The following DDX42 variants were observed in gnomAD, a reference collection of about 807,000 sequenced individuals.
DDX42 encodes DEAD-box helicase 42, also known as ATP-dependent RNA helicase DDX42.
A neutral mutation model predicts 101.5 loss-of-function variants in DDX42; 22 were observed. The ratio of observed to expected loss-of-function variants is 0.22; its 90% CI spans 0.15 to 0.31. The LOEUF (loss-of-function observed/expected upper bound fraction) is 0.31, where lower values mean the gene tolerates loss of function less well. Ranked by LOEUF, DDX42 falls within the 10% of genes least tolerant of loss-of-function variation. DDX42 has a pLI of 1.00. For synonymous variants in DDX42, 402 were observed against 401.2 expected (o/e 1.00, Z -0.02); for missense variants, 849 against 1,199.9 (o/e 0.71, Z 4.32).
rs1250046908 is a variant in DDX42, at chr17:63,799,638, G to A, written c.471+13G>A. The A allele has an allele frequency of 1.2e-6, 2 of 1,611,430 alleles. No individual in the cohort carries two copies. Among genetic ancestry groups the A allele is most frequent in the African/African-American group, 2.7e-5 (2 of 74,994 alleles). On this transcript the variant is annotated intron_variant, in intron 5 of 17. Transcript: ENST00000389924. ...GGAAGATGACCAAGTGAGTTCCTAT[G>A]CAGTATTTCTATCTTTTATTTTTAT...
intron 13 of DDX42, 90 bp from the exon 14 acceptor site, chr17:63,811,842 C>T: frequency 4.7e-6 from 7 of 1,485,302 alleles, no homozygotes; most frequent in South Asian, 1.2e-5. Context: ...AAGGTCTTCT[C>T]GATGCAGGTA....
In DDX42 at chr17:63,808,838, C is replaced by T; in HGVS notation, c.1042C>T (p.Arg348Trp). 2.5e-6 allele frequency: 4 copies of T among 1,613,668 alleles called. No individual in the cohort carries two copies. Among genetic ancestry groups the T allele is most frequent in the Non-Finnish European group, 3.4e-6 (4 of 1,179,814 alleles). ...TTTGTAGATCCATGCAGAATGTAAG[C>T]GGTTTGGAAAAGCATATAATCTTCG... ...LCQQIHAECK[R>W]FGKAYNLRSV... is the part of the protein sequence containing the mutation. Residue 348 changes from arginine (R) to tryptophan (W), a missense_variant, in exon 10 of 18, where the codon CGG becomes TGG. Arg to Trp is a moderately radical substitution (Grantham distance 101). Transcript: ENST00000389924.
At chr17:63,775,935 A>G (rs185611303) in intron 1 of DDX42, 1 of 152,364 alleles carries the variant, frequency 6.6e-6, no homozygotes, top group Non-Finnish European at 1.5e-5. Flanking sequence ...TGACAGGAGA[A>G]GGGATGCTTC....
At chr17:63,805,319 C>A in intron 7 of DDX42, 144 bp downstream of exon 7, 1 of 949,418 alleles carries the variant, frequency 1.1e-6, no homozygotes, top group Non-Finnish European at 1.5e-6. Flanking sequence ...TATATCCCTT[C>A]TGTTCATGTC....
intron 3 of DDX42, 91 bp downstream of exon 3, chr17:63,792,653 C>T: frequency 2.9e-6 from 4 of 1,382,438 alleles, no homozygotes; most frequent in Non-Finnish European, 3.8e-6. Context: ...AATTTGTTTT[C>T]TAGTCTTATT....
chr17:63,785,555 C>G (rs2039537981), intron 1 of DDX42, among the ~76,000 whole-genome samples: 1 of 148,520 alleles, frequency 6.7e-6, no homozygotes, highest in Admixed American at 6.8e-5. Context: ...TCTCTTGAGG[C>G]TAGAAGTTTG....
chr17:63,817,223 T>G (rs1291099221), intron 17 of DDX42: 2 of 434,180 alleles, frequency 4.6e-6, no homozygotes, highest in African/African-American at 2.0e-5. Context: ...GGGTGTGTGT[T>G]CCCTCCCTTC....
intron 1 of DDX42, among the ~76,000 whole-genome samples, chr17:63,778,641 A>T (rs1055710190): frequency 1.0e-5 from 1 of 97,796 alleles, no homozygotes; most frequent in African/African-American, 4.6e-5. Context: ...GCTTGATAAT[A>T]AAGTTTTTTT....
intron 3 of DDX42, among the ~76,000 whole-genome samples, chr17:63,792,876 T>TA (rs1394621140): frequency 6.6e-6 from 1 of 152,192 alleles, no homozygotes; most frequent in East Asian, 1.9e-4. Context: ...TAGCATTTGT[T>TA]AAGTACATAT....
chr17:63,814,793 A>C (rs1277860390), intron 15 of DDX42, among the ~76,000 whole-genome samples: 1 of 148,892 alleles, frequency 6.7e-6, no homozygotes, highest in Non-Finnish European at 1.5e-5. Flanking sequence ...CGGTTCAAAC[A>C]GTTCTCCTGC....
intron 3 of DDX42, among the ~76,000 whole-genome samples, chr17:63,794,654 G>T: frequency 6.6e-6 from 1 of 151,536 alleles, no homozygotes. Context: ...AAAAAAATTT[G>T]GCCGGGCACA....
chr17:63,788,637 G>T (rs1024552467), intron 2 of DDX42, among the ~76,000 whole-genome samples: 1 of 152,034 alleles, frequency 6.6e-6, no homozygotes, highest in Non-Finnish European at 1.5e-5. Flanking sequence ...CTAGTATGTT[G>T]GAACGTCTGA....
chr17:63,784,705 T>A (rs1598323634), intron 1 of DDX42, among the ~76,000 whole-genome samples: 4 of 152,246 alleles, frequency 2.6e-5, no homozygotes, highest in Admixed American at 2.6e-4. Flanking sequence ...GCCCAGGAGT[T>A]CATGGCTGCA....
At chr17:63,807,110 C>G (rs1179179933) in intron 8 of DDX42, among the ~76,000 whole-genome samples, 4 of 152,092 alleles carry the variant, frequency 2.6e-5, no homozygotes, top group African/African-American at 9.7e-5. Flanking sequence ...AGCAACCCTT[C>G]ATTATAAATT....
chr17:63,777,743 C>G (rs1190926105), intron 1 of DDX42, among the ~76,000 whole-genome samples: 1 of 151,928 alleles, frequency 6.6e-6, no homozygotes, highest in East Asian at 1.9e-4. Context: ...CCACCGTGCC[C>G]AGCCAGGAGA....
At chr17:63,810,613 T>A in intron 12 of DDX42, 53 bp downstream of exon 12, 1 of 1,541,052 alleles carries the variant, frequency 6.5e-7, no homozygotes, top group Non-Finnish European at 9.0e-7. Context: ...AGGGCACTTA[T>A]TTATTTTATA....
intron 1 of DDX42, among the ~76,000 whole-genome samples, chr17:63,784,442 A>G (rs961950651): frequency 3.3e-5 from 5 of 152,154 alleles, no homozygotes; most frequent in African/African-American, 1.2e-4. Flanking sequence ...TATTTTACTC[A>G]ATGTGTAATG....
intron 1 of DDX42, among the ~76,000 whole-genome samples, chr17:63,786,045 A>T (rs2039544443): frequency 6.6e-6 from 1 of 152,136 alleles, no homozygotes. Context: ...TTTTATGAGT[A>T]TTTTTGTCAG....
chr17:63,783,092 A>C (rs1214889249), intron 1 of DDX42, among the ~76,000 whole-genome samples: 1 of 152,154 alleles, frequency 6.6e-6, no homozygotes, highest in African/African-American at 2.4e-5. Flanking sequence ...ATCTCTCAGA[A>C]CACTTCTATG....
Sources: gnomAD v4.1 joint callset for allele counts (sites outside exome capture counted in the v4.1 genomes callset) on GRCh38, gnomAD v4.1.1 for gene constraint, MANE v1.5 for transcripts, NCBI Gene and HGNC (gene_info 2026-07-23, HGNC 2026-07-21) for gene names.